Variants in ROCK1 observed in about 807,000 individuals in gnomAD.
The protein encoded by ROCK1 is Rho associated coiled-coil containing protein kinase 1.
ROCK1 carries 36 observed loss-of-function variants against 196.8 expected under a neutral mutation model. The ratio of observed to expected loss-of-function variants is 0.18; its 90% CI spans 0.14 to 0.24. ROCK1 has a LOEUF of 0.24. Among genes scored for constraint, ROCK1 ranks in the 10% least tolerant of loss-of-function variants. The pLI is 1.00. For missense variants in ROCK1, 920 were observed against 1,562.0 expected (o/e 0.59, Z 6.93); for synonymous variants, 443 against 515.9 (o/e 0.86, Z 1.91).
In ROCK1 at chr18:21,008,526, G is replaced by A. The variant is rs898086066; in HGVS notation, c.1411-332C>T. 5.3e-5 allele frequency among the ~76,000 whole-genome samples: 8 copies of A among 152,314 alleles called. No homozygotes were observed. In the South Asian group the frequency reaches 1.0e-3, roughly 20 times the overall value. Reference sequence around the variant, plus strand: ...GACCTCAGGTGATCCGCCTGCCTCAGCCTCCCAAAGTACTGGGATAACAGG... The same window carrying A: ...GACCTCAGGTGATCCGCCTGCCTCAACCTCCCAAAGTACTGGGATAACAGG... On this transcript the variant is annotated intron_variant, in intron 13 of 32. Coordinates refer to ENST00000399799, the MANE Select transcript of ROCK1 (RefSeq NM_005406.3).
chr18:21,032,030 G>A (rs1343605972), intron 9 of ROCK1, among the ~76,000 whole-genome samples: 2 of 152,190 alleles, frequency 1.3e-5, no homozygotes, highest in Admixed American at 6.5e-5. Context: ...TCCAGAAGGA[G>A]AGAAAGGGGC....
intron 20 of ROCK1, among the ~76,000 whole-genome samples, chr18:20,983,994 T>C (rs1175367475): frequency 2.6e-5 from 4 of 152,190 alleles, no homozygotes; most frequent in Non-Finnish European, 4.4e-5. Flanking sequence ...AAAGACATTT[T>C]TGCATTTTGA....
At chr18:21,053,946 A>G (rs368079118) in intron 2 of ROCK1, among the ~76,000 whole-genome samples, 1 of 152,186 alleles carries the variant, frequency 6.6e-6, no homozygotes, top group African/African-American at 2.4e-5. Context: ...TACATATAGC[A>G]CTCAAAACTG....
chr18:21,039,076 A>G (rs1220677888), intron 9 of ROCK1, among the ~76,000 whole-genome samples: 8 of 152,194 alleles, frequency 5.3e-5, no homozygotes, highest in Non-Finnish European at 1.0e-4. Flanking sequence ...GAACCTTCTT[A>G]TATTTTGGGT....
At chr18:21,050,927 T>C (rs1442297796) in intron 2 of ROCK1, among the ~76,000 whole-genome samples, 2 of 152,172 alleles carry the variant, frequency 1.3e-5, no homozygotes, top group Non-Finnish European at 2.9e-5. Context: ...AACTTTAAAA[T>C]GTAGTTCCTA....
At chr18:21,007,363 GATTT>G (rs759689829) in intron 14 of ROCK1, among the ~76,000 whole-genome samples, 1 of 152,106 alleles carries the variant, frequency 6.6e-6, no homozygotes, top group South Asian at 2.1e-4. Context: ...TTAAGGAGAT[GATTT>G]ATTATTTTTT....
chr18:21,055,369 C>A (rs1196519168), intron 2 of ROCK1, among the ~76,000 whole-genome samples: 1 of 151,688 alleles, frequency 6.6e-6, no homozygotes, highest in Non-Finnish European at 1.5e-5. Flanking sequence ...TTCACACACA[C>A]CTCCCACAGC....
At chr18:20,978,248 G>T (rs1378449424) in intron 22 of ROCK1, among the ~76,000 whole-genome samples, 4 of 151,058 alleles carry the variant, frequency 2.6e-5, no homozygotes, top group African/African-American at 9.7e-5. Flanking sequence ...AGTATCTCCA[G>T]TTTGCAACAC....
intron 1 of ROCK1, among the ~76,000 whole-genome samples, chr18:21,092,172 T>C (rs1054493910): frequency 6.6e-6 from 1 of 152,140 alleles, no homozygotes; most frequent in African/African-American, 2.4e-5. Flanking sequence ...TCCCTTCCTT[T>C]TGACAGGTGA....
At chr18:21,054,746 A>G (rs865864070) in intron 2 of ROCK1, among the ~76,000 whole-genome samples, 7 of 152,122 alleles carry the variant, frequency 4.6e-5, no homozygotes, top group African/African-American at 1.7e-4. Flanking sequence ...TACTTACAGT[A>G]CCTTGGCCTC....
chr18:20,972,184 T>TA (rs1231618393), intron 22 of ROCK1, among the ~76,000 whole-genome samples: 1 of 152,118 alleles, frequency 6.6e-6, no homozygotes, highest in African/African-American at 2.4e-5. Context: ...AATTTTTAGT[T>TA]AACACTGGGA....
In ROCK1 at chr18:20,970,469, T is replaced by C; in HGVS notation, c.2699A>G (p.Glu900Gly). Reference protein sequence around the residue: ...TQLDLAETKAESEQLARGLLE... With the variant: ...TQLDLAETKAGSEQLARGLLE... Reference sequence around the variant, plus strand: ...AAGGCCTCGCGCCAACTGCTCAGACTCAGCTTTTGTTTCTGCTAGATCCAA... The same window carrying C: ...AAGGCCTCGCGCCAACTGCTCAGACCCAGCTTTTGTTTCTGCTAGATCCAA... Residue 900 changes from glutamate to glycine, a missense_variant, in exon 23 of 33, where the codon GAG becomes GGG. This residue lies in a region of ROCK1 where 520 missense variants were observed against 657.1 expected (regional missense o/e 0.79). Transcript: ENST00000399799. 6.2e-7 allele frequency: 1 copy of C among 1,613,664 alleles called. No homozygotes were observed. Among genetic ancestry groups the C allele is most frequent in the Non-Finnish European group, 8.5e-7 (1 of 1,179,628 alleles).
At chr18:21,017,855 C>T (rs1180450959) in intron 12 of ROCK1, among the ~76,000 whole-genome samples, 6 of 151,674 alleles carry the variant, frequency 4.0e-5, no homozygotes, top group South Asian at 2.1e-4. Context: ...CGCCTGTAGT[C>T]CCAGCTACTC....
intron 13 of ROCK1, among the ~76,000 whole-genome samples, chr18:21,011,014 TTGTTA>T (rs374232350): frequency 3.5e-4 from 53 of 152,338 alleles, no homozygotes; most frequent in African/African-American, 1.2e-3. Flanking sequence ...TTTTTAATAT[TTGTTA>T]TGTTATCTCT....
rs1433501393 is a variant in ROCK1 at position 20,960,204 on chromosome 18, A to C, written c.3355T>G (p.Ser1119Ala). 1 of 1,558,304 alleles carries C rather than the reference A, an allele frequency of 6.4e-7. No individual in the cohort carries two copies. Among genetic ancestry groups the C allele is most frequent in the Non-Finnish European group, 8.9e-7 (1 of 1,129,614 alleles). ...ACTGAAAGCCAACCTTCAATTCTTGACTCTAGGAGAAAAAGAATATATGTA... is the reference window on the plus strand; with the variant it reads ...ACTGAAAGCCAACCTTCAATTCTTGCCTCTAGGAGAAAAAGAATATATGTA... Reference protein sequence around the residue: ...ADETDGNLPESRIEGWLSVPN... With the variant: ...ADETDGNLPEARIEGWLSVPN... Residue 1119 changes from serine to alanine, a missense_variant and splice_region_variant, in exon 28 of 33, where the codon TCA becomes GCA. Physicochemically the swap from Ser to Ala is moderately conservative, Grantham distance 99 (BLOSUM62 1). Around this residue, in one of 6 missense-constraint regions of ROCK1, gnomAD observed 116 missense variants for 204.2 expected, o/e 0.57. Coordinates refer to ENST00000399799, the MANE Select transcript of ROCK1 (RefSeq NM_005406.3).
At chr18:21,011,966 C>G (rs942738808) in intron 13 of ROCK1, among the ~76,000 whole-genome samples, 1 of 151,702 alleles carries the variant, frequency 6.6e-6, no homozygotes, top group African/African-American at 2.4e-5. Flanking sequence ...CTTTTGGAGA[C>G]AGAGTCTTGC....
chr18:21,095,379 T>C (rs1322350547), intron 1 of ROCK1, among the ~76,000 whole-genome samples: 4 of 151,692 alleles, frequency 2.6e-5, no homozygotes, highest in Admixed American at 6.6e-5. Context: ...AGAAAAGAAA[T>C]CAGTATAGCG....
At chr18:20,958,964 A>T (rs1240356246) in intron 29 of ROCK1, among the ~76,000 whole-genome samples, 12 of 91,228 alleles carry the variant, frequency 1.3e-4, no homozygotes, top group Non-Finnish European at 1.8e-4. Context: ...ATTTTATATA[A>T]TATATATAAT....
intron 1 of ROCK1, among the ~76,000 whole-genome samples, chr18:21,098,353 T>G (rs73963110): frequency 3.9e-4 from 60 of 152,258 alleles, no homozygotes; most frequent in Admixed American, 7.2e-4. Flanking sequence ...ATAAATGCTG[T>G]GGAGATAAAC....
Sources: allele counts gnomAD v4.1 joint callset (sites outside exome capture counted in the v4.1 genomes callset), GRCh38; gene constraint gnomAD v4.1.1; regional missense constraint gnomAD v4.1.1; transcripts MANE v1.5; gene names NCBI Gene and HGNC (gene_info 2026-07-23, HGNC 2026-07-21).